The following IQCH variants were observed in gnomAD, a reference collection of about 807,000 sequenced individuals.
IQCH encodes the protein IQ motif containing H.
In IQCH, 98 loss-of-function variants were observed where a neutral mutation model predicts 117.0. The observed-to-expected ratio is 0.84, with a 90% CI of 0.71 to 0.99. The LOEUF is 0.99. Among genes scored for constraint, IQCH ranks in the 50% least tolerant of loss-of-function variants. The pLI is 0.00. For synonymous variants in IQCH, 412 were observed against 448.2 expected, an observed-to-expected ratio of 0.92 and a Z score of 1.02; for missense variants, 1,102 against 1,243.8, an observed-to-expected ratio of 0.89 and a Z score of 1.72.
Position 67,359,563 on chromosome 15 carries a change from T to A in IQCH, c.715-284T>A, listed in dbSNP as rs1446607725. 3.9e-5 allele frequency among the ~76,000 whole-genome samples: 6 copies of A among 152,250 alleles called. No homozygotes were observed. The highest frequency in any genetic ancestry group is 7.3e-5 in the Non-Finnish European group (5 of 68,046). On this transcript the variant is annotated intron_variant, in intron 7 of 20. Coordinates refer to ENST00000335894, the MANE Select transcript of IQCH (RefSeq NM_001031715.3). The surrounding 1 kb of genome is among the most constrained non-coding windows in gnomAD (Gnocchi z 4.5). ...ACAAAGCAGTGTGGTGCCACGCTAGTGTCCCCTAGAAGTGGGACTTGGCAT... is the reference window on the plus strand; with the variant it reads ...ACAAAGCAGTGTGGTGCCACGCTAGAGTCCCCTAGAAGTGGGACTTGGCAT...
chr15:67,481,249 G>T lies in IQCH; in HGVS notation c.2799+5431G>T, dbSNP rs1311876598. 1.3e-5 allele frequency among the ~76,000 whole-genome samples: 2 copies of T among 152,194 alleles called. No individual in the cohort carries two copies. The highest frequency in any genetic ancestry group is 2.9e-5 in the Non-Finnish European group (2 of 68,030). ...ACCCAAGACTGGGTAATTTATAAAA[G>T]AAAGAGGTTTAATTGACTCCCAGTT... On this transcript the variant is annotated intron_variant, in intron 18 of 20. Transcript: ENST00000335894. This position sits in a 1 kb window ranked among gnomAD's most constrained non-coding sequence, Gnocchi z 4.1.
At chr15:67,261,465 T>A in intron 2 of IQCH, 71 bp downstream of exon 2, 11 of 1,280,334 alleles carry the variant, frequency 8.6e-6, no homozygotes, top group Non-Finnish European at 1.2e-5. Flanking sequence ...GAATTGCAGT[T>A]CTCATAGAGT....
rs2083609711 is a variant in IQCH, at chr15:67,490,214, C to A, written c.2861+150C>A. Reference sequence around the variant, plus strand: ...AGATCTTCAGGTATTTTATTTTATTCTATTTTTTTGAGACGGAGCCTCACT... The same window carrying A: ...AGATCTTCAGGTATTTTATTTTATTATATTTTTTTGAGACGGAGCCTCACT... On this transcript the variant is annotated intron_variant, in intron 19 of 20. Transcript: ENST00000335894. This position sits in a 1 kb window ranked among gnomAD's most constrained non-coding sequence, Gnocchi z 4.9. 3.0e-6 allele frequency: 2 copies of A among 674,436 alleles called. No homozygotes were observed. The highest frequency in any genetic ancestry group is 5.6e-5 in the East Asian group (2 of 35,788). 41.8% of individuals were successfully genotyped at this position (674,436 alleles called of 1,614,324 possible). A position where few individuals can be genotyped will look rare whatever the true frequency, so the allele number is the denominator to read the frequency against.
At chr15:67,271,073 A>G (rs532396597) in intron 3 of IQCH, among the ~76,000 whole-genome samples, 1 of 152,228 alleles carries the variant, frequency 6.6e-6, no homozygotes, top group South Asian at 2.1e-4. Context: ...GATTCAAGCA[A>G]TTCTCCTGCC....
In IQCH at chr15:67,371,567, A is replaced by G. The variant is rs747383155; in HGVS notation, c.754-544A>G. On this transcript the variant is annotated intron_variant, in intron 8 of 20. Transcript: ENST00000335894. ...ATATAACATAATGTTCCTTGTAAAAATGACCTCTGGATATTAAGAGAAGAT... is the reference window on the plus strand; with the variant it reads ...ATATAACATAATGTTCCTTGTAAAAGTGACCTCTGGATATTAAGAGAAGAT... 9.3e-6 allele frequency: 12 copies of G among 1,287,516 alleles called. No individual in the cohort carries two copies. In the South Asian group the frequency reaches 1.0e-4, roughly 11 times the overall value. The allele number at this position is 1,287,516 out of a possible 1,614,324, so 79.8% of individuals were successfully genotyped here.
rs377572462 is a variant in IQCH at position 67,455,601 on chromosome 15, G to A, written c.2506-9526G>A. Among the ~76,000 whole-genome samples the A allele has an allele frequency of 3.7e-4, 57 of 152,302 alleles. No homozygotes were observed. The East Asian group carries it at 8.5e-3, about 23-fold the overall frequency. ...CCAATGCCACATGCTCATCCTTACC[G>A]AGAGAGGATTTTGCTTTGCACGATG... is the stretch of plus-strand genomic sequence containing the variant. On this transcript the variant is annotated intron_variant, in intron 16 of 20. Transcript: ENST00000335894.
At chr15:67,361,106 C>G (rs1158646861) in intron 8 of IQCH, among the ~76,000 whole-genome samples, 2 of 152,206 alleles carry the variant, frequency 1.3e-5, no homozygotes, top group Non-Finnish European at 2.9e-5. Context: ...GTCCCCAGGC[C>G]CACTCAGTTG....
At chr15:67,437,148 T>C (rs1454801128) in intron 16 of IQCH, among the ~76,000 whole-genome samples, 1 of 152,150 alleles carries the variant, frequency 6.6e-6, no homozygotes, top group Non-Finnish European at 1.5e-5. Context: ...ATGGAATCCA[T>C]TGCATCCCCC....
At chr15:67,410,755 G>A (rs1367433307) in intron 14 of IQCH, among the ~76,000 whole-genome samples, 1 of 152,198 alleles carries the variant, frequency 6.6e-6, no homozygotes, top group Non-Finnish European at 1.5e-5. Flanking sequence ...GGACATAGAT[G>A]CTGGGCAGCC....
At chr15:67,355,824 G>A (rs1969869802) in intron 6 of IQCH, among the ~76,000 whole-genome samples, 1 of 152,168 alleles carries the variant, frequency 6.6e-6, no homozygotes, top group African/African-American at 2.4e-5. Context: ...TAATAATTTA[G>A]TGATAGCATT....
chr15:67,358,173 T>C lies in IQCH; in HGVS notation c.714+752T>C, dbSNP rs574384148. 2.2e-4 allele frequency among the ~76,000 whole-genome samples: 21 copies of C among 96,084 alleles called. No individual in the cohort carries two copies. The East Asian group carries it at 5.1e-3, about 23-fold the overall frequency. The allele number at this position is 96,084 out of a possible 152,430, so 63.0% of individuals were successfully genotyped here. On this transcript the variant is annotated intron_variant, in intron 7 of 20. Transcript: ENST00000335894. The stretch of plus-strand genomic sequence containing the variant: ...CACGCCTGGCCTTTTTTTTTTTTTT[T>C]TTCTTTTTTAACCATCATGAGGCAC...
At chr15:67,312,424 T>C (rs1425994301) in intron 4 of IQCH, among the ~76,000 whole-genome samples, 1 of 152,140 alleles carries the variant, frequency 6.6e-6, no homozygotes, top group Non-Finnish European at 1.5e-5. Flanking sequence ...ATAGATCTTT[T>C]CTTTCACGCA....
chr15:67,324,308 A>AG (rs1421288436), intron 4 of IQCH, among the ~76,000 whole-genome samples: 2 of 151,806 alleles, frequency 1.3e-5, no homozygotes, highest in African/African-American at 4.8e-5. Flanking sequence ...TTGTCCAAAA[A>AG]AAAAAAAAAA....
At chr15:67,358,583 TTG>T (rs1434036307) in intron 7 of IQCH, among the ~76,000 whole-genome samples, 1 of 152,126 alleles carries the variant, frequency 6.6e-6, no homozygotes, top group African/African-American at 2.4e-5. Context: ...TGCTGGACTT[TTG>T]TACCTTGCTT....
chr15:67,320,827 C>CA (rs1295333219), intron 4 of IQCH, among the ~76,000 whole-genome samples: 2 of 151,976 alleles, frequency 1.3e-5, no homozygotes. Context: ...GTATTCCATG[C>CA]AAAAAGAGTA....
In IQCH at chr15:67,365,914, A is replaced by T. The variant is rs1970316025; in HGVS notation, c.753+6029A>T. On this transcript the variant is annotated intron_variant, in intron 8 of 20. Transcript: ENST00000335894. This position sits in a 1 kb window ranked among gnomAD's most constrained non-coding sequence, Gnocchi z 4.4. ...CACTGCACACTAGCCTGGGCAGCAG[A>T]GGAAGACTCTGTCTCAAAAACAAAA... Among the ~76,000 whole-genome samples the T allele has an allele frequency of 6.6e-6, 1 of 152,186 alleles. No homozygotes were observed. The highest frequency in any genetic ancestry group is 1.5e-5 in the Non-Finnish European group (1 of 68,030).
Position 67,388,820 on chromosome 15 carries a change from G to T in IQCH, c.1457-11G>T. 1 of 1,609,658 alleles carries T rather than the reference G, an allele frequency of 6.2e-7. No homozygotes were observed. Among genetic ancestry groups the T allele is most frequent in the Non-Finnish European group, 8.5e-7 (1 of 1,176,268 alleles). On this transcript the variant is annotated splice_polypyrimidine_tract_variant and intron_variant, in intron 11 of 20. Transcript: ENST00000335894. This position sits in a 1 kb window ranked among gnomAD's most constrained non-coding sequence, Gnocchi z 5.5. ...CACACCAGTAATTAACATTGTGCCT[G>T]TTGTTTTTAGATGCCAATGTGAATG... is the stretch of plus-strand genomic sequence containing the variant.
intron 3 of IQCH, among the ~76,000 whole-genome samples, chr15:67,266,024 A>G (rs2140441114): frequency 6.6e-6 from 1 of 152,186 alleles, no homozygotes; most frequent in Admixed American, 6.5e-5. Flanking sequence ...CAAAGAGGAG[A>G]CTTAACTTTC....
chr15:67,492,151 A>G (rs1324450343), intron 19 of IQCH, among the ~76,000 whole-genome samples: 1 of 152,220 alleles, frequency 6.6e-6, no homozygotes, highest in Non-Finnish European at 1.5e-5. Flanking sequence ...GTTGGCATGC[A>G]TGGGAATAAG....
Sources: allele counts gnomAD v4.1 joint callset (sites outside exome capture counted in the v4.1 genomes callset), GRCh38; gene constraint gnomAD v4.1.1; non-coding constraint Gnocchi (gnomAD v3.1); transcripts MANE v1.5; gene names NCBI Gene and HGNC (gene_info 2026-07-23, HGNC 2026-07-21).